ABI3BP: variants seen among roughly 807,000 people sequenced by gnomAD.
ABI3BP encodes the protein ABI family member 3 binding protein, also known as target of Nesh-SH3.
ABI3BP carries 216 observed loss-of-function variants against 268.6 expected under a neutral mutation model. The observed-to-expected ratio is 0.80, with a 90% confidence interval of 0.72 to 0.90. ABI3BP has a LOEUF of 0.90. ABI3BP is among the 40% of genes least tolerant of loss of function. The probability of loss-of-function intolerance (pLI) is 0.00; values close to 1 mark genes in which losing one functional copy is unlikely to be tolerated. For synonymous variants in ABI3BP, 730 were observed against 730.0 expected, an observed-to-expected ratio of 1.00 and a Z score of 0.00; for missense variants, 2,090 against 2,182.4, an observed-to-expected ratio of 0.96 and a Z score of 0.84.
intron 4 of ABI3BP, among the ~76,000 whole-genome samples, chr3:100,894,965 A>AAAAAAAAAAAAAAAAAAAAACAC (rs760156604): frequency 8.3e-6 from 1 of 120,768 alleles, no homozygotes; most frequent in Non-Finnish European, 1.9e-5. Flanking sequence ...AAAAAAAAAA[A>AAAAAAAAAAAAAAAAAAAAACAC]AACAGAAAAA....
intron 50 of ABI3BP, among the ~76,000 whole-genome samples, chr3:100,807,199 C>T (rs1189697982): frequency 6.6e-6 from 1 of 151,614 alleles, no homozygotes; most frequent in Non-Finnish European, 1.5e-5. Flanking sequence ...ATTTTAGTTT[C>T]CTATTATAAT....
chr3:100,946,368 CA>C (rs397990638), intron 1 of ABI3BP, among the ~76,000 whole-genome samples: 2,200 of 82,540 alleles, frequency 0.027, 41 homozygotes, highest in African/African-American at 0.082. Context: ...GACTCTATCT[CA>C]AAAAAAAAAA....
chr3:100,788,417 C>T (rs1042961449), intron 56 of ABI3BP, among the ~76,000 whole-genome samples: 4 of 152,090 alleles, frequency 2.6e-5, no homozygotes, highest in African/African-American at 4.8e-5. Context: ...ACTAAGTGTA[C>T]TGTGCTTATG....
At chr3:100,865,329 T>C (rs2099039180) in intron 10 of ABI3BP, among the ~76,000 whole-genome samples, 1 of 152,126 alleles carries the variant, frequency 6.6e-6, no homozygotes, top group South Asian at 2.1e-4. Flanking sequence ...AATGGGCAAA[T>C]GAAAGGATGA....
At chr3:100,944,104 A>G (rs2153725930) in intron 1 of ABI3BP, among the ~76,000 whole-genome samples, 1 of 151,772 alleles carries the variant, frequency 6.6e-6, no homozygotes, top group Non-Finnish European at 1.5e-5. Context: ...TTTCCCTCTC[A>G]CTCCCAGCTG....
At position 100,754,697 on chromosome 3, in the gene ABI3BP, T is replaced by C. The variant is rs756621278; in HGVS notation, c.4851-6A>G. ...GTTTCACCTGGAATTCATAACTGTT[T>C]AGGGGAAAATAAAAAAATACTTGTA... On this transcript the variant is annotated splice_region_variant and splice_polypyrimidine_tract_variant and intron_variant, in intron 63 of 67. Transcript: ENST00000471714. 8 of 1,570,036 alleles carry C rather than the reference T, an allele frequency of 5.1e-6. No individual in the cohort carries two copies. Among genetic ancestry groups the C allele is most frequent in the East Asian group, 4.6e-5 (2 of 43,050 alleles).
intron 27 of ABI3BP, among the ~76,000 whole-genome samples, chr3:100,836,414 A>G (rs6796750): frequency 0.11 from 16,760 of 152,162 alleles, 1,110 homozygotes; most frequent in Admixed American, 0.19. Context: ...TCTCATCCTC[A>G]AAAACTCTTT....
intron 1 of ABI3BP, among the ~76,000 whole-genome samples, chr3:100,930,391 A>T (rs558398894): frequency 6.6e-6 from 1 of 151,972 alleles, no homozygotes; most frequent in Non-Finnish European, 1.5e-5. Flanking sequence ...GCAAAGTAGA[A>T]TCTTGGATCT....
intron 47 of ABI3BP, 22 bp from the exon 48 acceptor site, chr3:100,811,299 A>C: frequency 6.6e-7 from 1 of 1,516,430 alleles, no homozygotes; most frequent in Non-Finnish European, 8.8e-7. Context: ...CAAAGGAGAA[A>C]AATTTTAGAA....
In ABI3BP at chr3:100,837,144, T is replaced by C. The variant is rs1393509393; in HGVS notation, c.2111A>G (p.Glu704Gly). ...ATTACCTATGGTCATTGAGGGAGCT[T>C]CAGTTTCAAATGGAACAGGCTCAGA... ...SVSEPVPFET[E>G]APSMTIVPTT... The change falls in exon 27 of 68, where the codon GAA (glutamate) becomes GGA (glycine). Residue 704 changes from glutamate to glycine, a missense_variant. By Grantham distance (98) the Glu-to-Gly change is moderately conservative. Transcript: ENST00000471714. The C allele has an allele frequency of 3.3e-6, 5 of 1,534,782 alleles. No homozygotes were observed. Among genetic ancestry groups the C allele is most frequent in the East Asian group, 2.4e-5 (1 of 40,870 alleles).
At chr3:100,987,055 T>C (rs1311345991) in intron 1 of ABI3BP, among the ~76,000 whole-genome samples, 1 of 152,118 alleles carries the variant, frequency 6.6e-6, no homozygotes, top group African/African-American at 2.4e-5. Flanking sequence ...CACATTAGAG[T>C]ATCCTATTTC....
At chr3:100,770,432 A>AT (rs1174857639) in intron 62 of ABI3BP, among the ~76,000 whole-genome samples, 1 of 152,202 alleles carries the variant, frequency 6.6e-6, no homozygotes, top group African/African-American at 2.4e-5. Flanking sequence ...TTAATCAGCA[A>AT]TGTAATTTTC....
In ABI3BP at chr3:100,749,395, T is replaced by C. The variant is rs1042203001; in HGVS notation, c.*1100A>G. ...ATACTTGTTTGAAAAATACAAAATGTAGCGTTGATAAGATTGAAGCATGTT... is the reference window on the plus strand; with the variant it reads ...ATACTTGTTTGAAAAATACAAAATGCAGCGTTGATAAGATTGAAGCATGTT... On this transcript the variant is annotated 3_prime_UTR_variant, in exon 68 of 68. Transcript: ENST00000471714. 2 of 365,390 alleles carry C rather than the reference T, an allele frequency of 5.5e-6. No individual in the cohort carries two copies. Among genetic ancestry groups the C allele is most frequent in the Non-Finnish European group, 9.7e-6 (2 of 205,586 alleles). The allele number at this position is 365,390 out of a possible 1,614,324, so 22.6% of individuals were successfully genotyped here. A position where few individuals can be genotyped will look rare whatever the true frequency, so the allele number is the denominator to read the frequency against.
intron 55 of ABI3BP, among the ~76,000 whole-genome samples, chr3:100,790,553 A>G (rs2097171081): frequency 2.6e-5 from 4 of 152,004 alleles, no homozygotes; most frequent in South Asian, 2.1e-4. Flanking sequence ...TAAACTTCCA[A>G]TGTAAAGACT....
At chr3:100,834,851 C>T in intron 28 of ABI3BP, 78 bp from the exon 29 acceptor site, 1 of 1,338,460 alleles carries the variant, frequency 7.5e-7, no homozygotes, top group Non-Finnish European at 1.0e-6. Flanking sequence ...TCTAGGTTTT[C>T]TAAAGTTTTC....
In ABI3BP at chr3:100,749,427, TAAGTACAGG is replaced by T; in HGVS notation, c.*1059_*1067del. ...GATAAGATTGAAGCATGTTGAAAGG[TAAGTACAGG>T]GAAAGGTCCTTTCAGAATGACTGCA... On this transcript the variant is annotated 3_prime_UTR_variant, in exon 68 of 68. Transcript: ENST00000471714. 2.6e-6 allele frequency: 1 copy of T among 387,470 alleles called. No homozygotes were observed. The highest frequency in any genetic ancestry group is 4.6e-6 in the Non-Finnish European group (1 of 219,022). 24.0% of individuals were successfully genotyped at this position (387,470 alleles called of 1,614,324 possible).
chr3:100,885,366 G>A (rs1581899540), intron 6 of ABI3BP, among the ~76,000 whole-genome samples, 170 bp downstream of exon 6: 1 of 151,946 alleles, frequency 6.6e-6, no homozygotes, highest in East Asian at 1.9e-4. Context: ...TTGAAATCAT[G>A]CTTTTACTTA....
chr3:100,783,173 T>C (rs1390645369), intron 57 of ABI3BP, among the ~76,000 whole-genome samples: 1 of 152,206 alleles, frequency 6.6e-6, no homozygotes, highest in Non-Finnish European at 1.5e-5. Context: ...TATGGATGAT[T>C]GGTTTCTGCA....
intron 6 of ABI3BP, among the ~76,000 whole-genome samples, chr3:100,876,924 G>C (rs1203612385): frequency 6.6e-6 from 1 of 152,116 alleles, no homozygotes; most frequent in Non-Finnish European, 1.5e-5. Flanking sequence ...GGAGGCGGAG[G>C]TTGCAGTAAG....
Sources: gnomAD v4.1 joint callset for allele counts (sites outside exome capture counted in the v4.1 genomes callset) on GRCh38, gnomAD v4.1.1 for gene constraint, MANE v1.5 for transcripts, NCBI Gene and HGNC (gene_info 2026-07-23, HGNC 2026-07-21) for gene names.